Variants in CEP57 observed in about 807,000 individuals in gnomAD.
CEP57 encodes the protein centrosomal protein of 57 kDa.
In CEP57, 40 loss-of-function variants were observed where a neutral mutation model predicts 68.0. That is an observed-to-expected ratio of 0.59 (90% CI 0.46 to 0.77). CEP57 has a LOEUF of 0.77. Among genes scored for constraint, CEP57 ranks in the 30% least tolerant of loss-of-function variants. The pLI is 0.00. For missense variants in CEP57, 606 were observed against 580.7 expected, an observed-to-expected ratio of 1.04 and a Z score of -0.45; for synonymous variants, 219 against 198.7, an observed-to-expected ratio of 1.10 and a Z score of -0.86.
intron 1 of CEP57, among the ~76,000 whole-genome samples, chr11:95,797,069 A>T (rs1282641815): frequency 6.6e-6 from 1 of 151,992 alleles, no homozygotes; most frequent in East Asian, 1.9e-4. Context: ...TGAGTAAATT[A>T]TTGTCCGCTG....
Position 95,799,130 on chromosome 11 carries a change from T to C in CEP57, c.46-102T>C, listed in dbSNP as rs146633501. ...GTTTCTAGTCAGTGGATTTTTTCTGTTGTCTGTATGGACAGTCAATCTCAG... is the reference window on the plus strand; with the variant it reads ...GTTTCTAGTCAGTGGATTTTTTCTGCTGTCTGTATGGACAGTCAATCTCAG... On this transcript the variant is annotated intron_variant, in intron 1 of 10. Transcript: ENST00000325542. 5.4e-3 allele frequency: 6,331 copies of C among 1,162,690 alleles called. 31 individuals are homozygous for C. Among genetic ancestry groups the C allele is most frequent in the Non-Finnish European group, 6.6e-3 (5,228 of 793,648 alleles). The allele number at this position is 1,162,690 out of a possible 1,614,324, so 72.0% of individuals were successfully genotyped here.
At position 95,831,342 on chromosome 11, in the gene CEP57, A is replaced by G; in HGVS notation, c.*86A>G. ...AATTTACTTCCCAGGTCTCATACTCACTTATGTTGGAATTAATTAATAGCA... is the reference window on the plus strand; with the variant it reads ...AATTTACTTCCCAGGTCTCATACTCGCTTATGTTGGAATTAATTAATAGCA... On this transcript the variant is annotated 3_prime_UTR_variant, in exon 11 of 11. Transcript: ENST00000325542. 4 of 963,740 alleles carry G rather than the reference A, an allele frequency of 4.2e-6. No homozygotes were observed. The highest frequency in any genetic ancestry group is 4.9e-6 in the Non-Finnish European group (3 of 614,734). 59.7% of individuals were successfully genotyped at this position (963,740 alleles called of 1,614,324 possible). A position where few individuals can be genotyped will look rare whatever the true frequency, so the allele number is the denominator to read the frequency against.
chr11:95,814,776 T>C (rs1862231746), intron 4 of CEP57, among the ~76,000 whole-genome samples: 1 of 152,192 alleles, frequency 6.6e-6, no homozygotes, highest in Admixed American at 6.5e-5. Context: ...TTTATATGCT[T>C]AACATTATGC....
rs1323553399 is a variant in CEP57, at chr11:95,827,971, T to G, written c.1071T>G (p.Asn357Lys). The G allele has an allele frequency of 5.0e-6, 8 of 1,613,770 alleles. No individual in the cohort carries two copies. The highest frequency in any genetic ancestry group is 6.8e-6 in the Non-Finnish European group (8 of 1,179,886). ...CACCTCCCTCCTCCAACGGTATTAA[T>G]GAGGAGTTGTCAGAAGTCTTACAGA... ...SVTPPSSNGI[N>K]EELSEVLQTL... Residue 357 changes from asparagine (N) to lysine (K), a missense_variant, in exon 9 of 11, where the codon AAT (asparagine) becomes AAG (lysine). Physicochemically the swap from Asn to Lys is moderately conservative, Grantham distance 94 (BLOSUM62 0). Transcript: ENST00000325542.
intron 1 of CEP57, among the ~76,000 whole-genome samples, chr11:95,796,831 A>G (rs1861369174): frequency 6.6e-6 from 1 of 152,174 alleles, no homozygotes; most frequent in Admixed American, 6.5e-5. Context: ...GCTTTCCAAG[A>G]ACGGCTCACA....
At chr11:95,814,886 A>G (rs964684507) in intron 4 of CEP57, among the ~76,000 whole-genome samples, 7 of 152,296 alleles carry the variant, frequency 4.6e-5, no homozygotes, top group South Asian at 4.1e-4. Context: ...AAATCCATGG[A>G]TGCTCAAGTC....
At chr11:95,795,606 T>G (rs1861309550) in intron 1 of CEP57, 1 of 495,646 alleles carries the variant, frequency 2.0e-6, no homozygotes, top group African/African-American at 2.0e-5. Flanking sequence ...ATATTTCAAG[T>G]TTTCCACCAT....
chr11:95,802,495 C>T lies in CEP57; in HGVS notation c.202+3107C>T, dbSNP rs549073952. 4.6e-5 allele frequency among the ~76,000 whole-genome samples: 7 copies of T among 152,114 alleles called. No individual in the cohort carries two copies. In the South Asian group the frequency reaches 8.3e-4, roughly 18 times the overall value. The stretch of plus-strand genomic sequence containing the variant: ...GTCTCGATCTCTTGACCTCGTGATC[C>T]GCCCACCTCAGCCTCCCAAAGTGCT... On this transcript the variant is annotated intron_variant, in intron 2 of 10. Transcript: ENST00000325542.
chr11:95,791,009 A>T (rs1861026976), intron 1 of CEP57, among the ~76,000 whole-genome samples: 1 of 152,176 alleles, frequency 6.6e-6, no homozygotes, highest in Non-Finnish European at 1.5e-5. Flanking sequence ...CCGGTTGCCT[A>T]ACATTCCCAA....
At chr11:95,790,826 T>G (rs1861003942) in intron 1 of CEP57, 83 bp downstream of exon 1, 1 of 1,514,530 alleles carries the variant, frequency 6.6e-7, no homozygotes, top group African/African-American at 1.4e-5. Context: ...GCGCTGTCAG[T>G]CCAGCTTCTG....
intron 10 of CEP57, among the ~76,000 whole-genome samples, chr11:95,829,728 A>G (rs953236895): frequency 1.3e-5 from 2 of 152,212 alleles, no homozygotes; most frequent in African/African-American, 2.4e-5. Flanking sequence ...TCAGCCAACA[A>G]TGTAGTACTA....
intron 10 of CEP57, among the ~76,000 whole-genome samples, chr11:95,830,647 C>T (rs1414232778): frequency 2.6e-5 from 4 of 151,920 alleles, no homozygotes; most frequent in African/African-American, 9.7e-5. Context: ...AAAATCCTTC[C>T]CATTCTTCTT....
At chr11:95,829,751 G>A (rs1412134883) in intron 10 of CEP57, among the ~76,000 whole-genome samples, 2 of 152,130 alleles carry the variant, frequency 1.3e-5, no homozygotes, top group Non-Finnish European at 2.9e-5. Context: ...AGATGCAGTG[G>A]TGACATCACA....
At chr11:95,818,933 T>G in intron 6 of CEP57, 29 bp downstream of exon 6, 14 of 1,526,576 alleles carry the variant, frequency 9.2e-6, no homozygotes, top group South Asian at 1.1e-5. Context: ...AAGTGGGCTC[T>G]TCATATTTCT....
At chr11:95,828,173 T>G (rs1051188966) in intron 9 of CEP57, 146 bp downstream of exon 9, 1 of 896,586 alleles carries the variant, frequency 1.1e-6, no homozygotes, top group Non-Finnish European at 1.7e-6. Context: ...ACTGGGACTT[T>G]AACAAATACA....
At position 95,821,866 on chromosome 11, in the gene CEP57, C is replaced by T; in HGVS notation, c.700-5C>T. On this transcript the variant is annotated splice_polypyrimidine_tract_variant and splice_region_variant and intron_variant, in intron 6 of 10. Coordinates refer to ENST00000325542, the MANE Select transcript of CEP57 (RefSeq NM_014679.5). ...GCATTAACTTGAGGCTCTCATTTTT[C>T]CTAGTTGCAGACTGGTCTAGAAACA... The T allele has an allele frequency of 1.3e-6, 2 of 1,590,412 alleles. No individual in the cohort carries two copies. The highest frequency in any genetic ancestry group is 1.7e-6 in the Non-Finnish European group (2 of 1,160,166).
intron 1 of CEP57, among the ~76,000 whole-genome samples, chr11:95,798,720 G>C (rs1861450134): frequency 6.6e-6 from 1 of 152,042 alleles, no homozygotes; most frequent in Non-Finnish European, 1.5e-5. Context: ...GTGTTTGATG[G>C]GCCTTAATGT....
Position 95,828,037 on chromosome 11 carries a change from T to C in CEP57, c.1127+10T>C. On this transcript the variant is annotated intron_variant, in intron 9 of 10. Coordinates refer to ENST00000325542, the MANE Select transcript of CEP57 (RefSeq NM_014679.5). The stretch of plus-strand genomic sequence containing the variant: ...TTGGGCAAATGAGCTTGTGAGTTTT[T>C]GTTTTTTTTTTTAAATTCAGTTTAG... The C allele has an allele frequency of 6.2e-7, 1 of 1,610,558 alleles. No individual in the cohort carries two copies.
chr11:95,820,838 A>G (rs769536975), intron 6 of CEP57, among the ~76,000 whole-genome samples: 3 of 152,116 alleles, frequency 2.0e-5, no homozygotes, highest in East Asian at 1.9e-4. Context: ...TCAATTTACT[A>G]TATATAAAGC....
Sources: gnomAD v4.1 joint callset for allele counts (sites outside exome capture counted in the v4.1 genomes callset) on GRCh38, gnomAD v4.1.1 for gene constraint, MANE v1.5 for transcripts, NCBI Gene and HGNC (gene_info 2026-07-23, HGNC 2026-07-21) for gene names.